Variants in TENM2 observed in about 807,000 individuals in gnomAD.
The protein encoded by TENM2 is teneurin-2.
Under a neutral mutation model 245.2 loss-of-function variants are expected in TENM2, and 52 were observed. That is an observed-to-expected ratio of 0.21 (90% confidence interval 0.17 to 0.27). The LOEUF (loss-of-function observed/expected upper bound fraction) is 0.27, where lower values mean the gene tolerates loss of function less well. Among genes scored for constraint, TENM2 ranks in the 10% least tolerant of loss-of-function variants. TENM2 has a pLI of 1.00. For missense variants in TENM2, 3,046 were observed against 3,666.8 expected, an observed-to-expected ratio of 0.83 and a Z score of 4.37; for synonymous variants, 1,363 against 1,438.9, an observed-to-expected ratio of 0.95 and a Z score of 1.19.
intron 12 of TENM2, among the ~76,000 whole-genome samples, chr5:168,134,292 A>ACTGGGC (rs1384695301): frequency 4.6e-5 from 7 of 152,150 alleles, no homozygotes; most frequent in African/African-American, 1.7e-4. Flanking sequence ...CACCTATCTC[A>ACTGGGC]CTGGGACATA....
At chr5:167,642,329 G>C (rs1436747939) in intron 2 of TENM2, among the ~76,000 whole-genome samples, 1 of 152,104 alleles carries the variant, frequency 6.6e-6, no homozygotes, top group Non-Finnish European at 1.5e-5. Context: ...TGTGAGAAGA[G>C]AGACATGATC....
At chr5:167,380,691 C>T (rs1281007466) in intron 2 of TENM2, among the ~76,000 whole-genome samples, 1 of 152,110 alleles carries the variant, frequency 6.6e-6, no homozygotes, top group Non-Finnish European at 1.5e-5. Context: ...TGTGTAATCT[C>T]CAGGCCTTCA....
At chr5:167,047,638 C>T in the TENM2 span, among the ~76,000 whole-genome samples, 1 of 152,118 alleles carries the variant, frequency 6.6e-6, no homozygotes, top group Non-Finnish European at 1.5e-5. Flanking sequence ...AAGAGAGAGG[C>T]TAGTTTATGT....
Position 168,014,551 on chromosome 5 carries a change from T to A in TENM2, c.1186+21369T>A, listed in dbSNP as rs542124006. Among the ~76,000 whole-genome samples, 121 of 152,144 alleles carry A rather than the reference T, an allele frequency of 8.0e-4. 2 individuals are homozygous for A. The South Asian group carries it at 0.014, about 17-fold the overall frequency. On this transcript the variant is annotated intron_variant, in intron 5 of 28. Transcript: ENST00000518659. ...GATTTCCTTAAAGCTTAAAAAAAAA[T>A]TTTTCCACAAAGGCTTTCTTTGCTG...
intron 2 of TENM2, among the ~76,000 whole-genome samples, chr5:167,601,466 A>T (rs1776630421): frequency 6.6e-6 from 1 of 152,248 alleles, no homozygotes; most frequent in South Asian, 2.1e-4. Flanking sequence ...TTACACCTGA[A>T]AACAGCACTT....
chr5:167,481,446 G>T (rs1291946984), intron 2 of TENM2, among the ~76,000 whole-genome samples: 1 of 152,150 alleles, frequency 6.6e-6, no homozygotes, highest in Non-Finnish European at 1.5e-5. Flanking sequence ...CATAAATAAA[G>T]TTTTATTGGC....
intron 19 of TENM2, among the ~76,000 whole-genome samples, 185 bp from the exon 22 acceptor site, chr5:168,211,549 G>A (rs1256017577): frequency 1.3e-5 from 2 of 152,206 alleles, no homozygotes; most frequent in East Asian, 1.9e-4. Context: ...TGTCTGGGAG[G>A]AGTCCAAAAT....
chr5:167,129,025 A>G, the TENM2 span, among the ~76,000 whole-genome samples: 6 of 152,008 alleles, frequency 3.9e-5, no homozygotes, highest in Admixed American at 3.9e-4. Context: ...CTGTGTTGGT[A>G]TTTTTTAAGT....
chr5:167,487,288 G>A (rs557346136), intron 2 of TENM2, among the ~76,000 whole-genome samples: 1 of 152,256 alleles, frequency 6.6e-6, no homozygotes, highest in Admixed American at 6.5e-5. Flanking sequence ...GGAAGAGGAA[G>A]CACTGGAGAC....
chr5:167,264,389 A>G, the TENM2 span, among the ~76,000 whole-genome samples: 4 of 152,128 alleles, frequency 2.6e-5, no homozygotes, highest in East Asian at 7.7e-4. Context: ...GTAAATCCTG[A>G]TGTGTTAGAC....
At chr5:168,088,693 G>A (rs568170480) in intron 7 of TENM2, among the ~76,000 whole-genome samples, 1 of 152,290 alleles carries the variant, frequency 6.6e-6, no homozygotes, top group East Asian at 1.9e-4. Flanking sequence ...AAACCAAGAA[G>A]AAGGTAAAAG....
intron 11 of TENM2, among the ~76,000 whole-genome samples, chr5:168,125,922 C>T (rs144788746): frequency 3.3e-5 from 5 of 152,248 alleles, no homozygotes; most frequent in Middle Eastern, 3.4e-3. Context: ...TGCTGTGTGA[C>T]TTTGAGTGAG....
chr5:167,815,199 G>A (rs1404826402), intron 2 of TENM2, among the ~76,000 whole-genome samples: 8 of 152,156 alleles, frequency 5.3e-5, no homozygotes, highest in African/African-American at 1.7e-4. Context: ...TCATAAGGCA[G>A]GATATTGCAG....
chr5:168,135,468 C>G (rs953618185), intron 12 of TENM2, among the ~76,000 whole-genome samples: 3 of 152,106 alleles, frequency 2.0e-5, no homozygotes, highest in African/African-American at 7.2e-5. Flanking sequence ...ACCTGCCAGT[C>G]AAAAATGGGG....
At position 168,247,416 on chromosome 5, in the gene TENM2, G is replaced by T. The variant is rs1337227935; in HGVS notation, c.6477G>T (p.Arg2159=). Residue 2159 remains arginine (R), a synonymous_variant, in exon 27 of 29, where the codon CGG becomes CGT. Transcript: ENST00000518659. This position sits in a 1 kb window ranked among gnomAD's most constrained non-coding sequence, Gnocchi z 7.8. The stretch of plus-strand genomic sequence containing the variant: ...GCAAACACTTCGACACCCATGGGCG[G>T]ATCAAGGAGGTCCAGTATGAGATGT... 6.2e-7 allele frequency: 1 copy of T among 1,613,980 alleles called. No individual in the cohort carries two copies.
intron 1 of TENM2, among the ~76,000 whole-genome samples, chr5:167,324,609 A>G (rs1444147738): frequency 1.3e-5 from 2 of 152,124 alleles, no homozygotes; most frequent in Non-Finnish European, 2.9e-5. Flanking sequence ...CAGGTAGTTG[A>G]ATCCTTCTTT....
the TENM2 span, among the ~76,000 whole-genome samples, chr5:167,273,840 T>G: frequency 6.6e-6 from 1 of 152,128 alleles, no homozygotes; most frequent in African/African-American, 2.4e-5. Context: ...TAAATGACCT[T>G]CCAAATAGGT....
intron 2 of TENM2, among the ~76,000 whole-genome samples, chr5:167,460,776 G>T (rs1766248085): frequency 6.6e-6 from 1 of 152,100 alleles, no homozygotes; most frequent in Non-Finnish European, 1.5e-5. Flanking sequence ...CTGAATTTCA[G>T]TTGGGTAAAT....
At chr5:167,139,697 A>G in the TENM2 span, among the ~76,000 whole-genome samples, 1 of 152,234 alleles carries the variant, frequency 6.6e-6, no homozygotes, top group Non-Finnish European at 1.5e-5. Flanking sequence ...TGCAATTCAT[A>G]TATGTATAAT....
Sources: allele counts gnomAD v4.1 joint callset (sites outside exome capture counted in the v4.1 genomes callset), GRCh38; gene constraint gnomAD v4.1.1; non-coding constraint Gnocchi (gnomAD v3.1); transcripts MANE v1.5; gene names NCBI Gene and HGNC (gene_info 2026-07-23, HGNC 2026-07-21).